GRB2: variants seen among roughly 807,000 people sequenced by gnomAD.
GRB2 encodes the protein growth factor receptor-bound protein 2.
A neutral mutation model predicts 27.4 loss-of-function variants in GRB2; 2 were observed. The ratio of observed to expected loss-of-function variants is 0.07; its 90% CI spans 0.03 to 0.23. GRB2 has a LOEUF of 0.23. Ranked by LOEUF, GRB2 falls within the 10% of genes least tolerant of loss-of-function variation. The probability of loss-of-function intolerance (pLI) is 1.00; values close to 1 mark genes in which losing one functional copy is unlikely to be tolerated. For missense variants in GRB2, 102 were observed against 282.4 expected (o/e 0.36, Z 4.58); for synonymous variants, 94 against 99.6 (o/e 0.94, Z 0.33).
rs918400903 is a variant in GRB2, at chr17:75,393,746, C to G, written c.-118G>C. 3 of 744,576 alleles carry G rather than the reference C, an allele frequency of 4.0e-6. No individual in the cohort carries two copies. The highest frequency in any genetic ancestry group is 1.7e-5 in the African/African-American group (1 of 57,684). 46.1% of individuals were successfully genotyped at this position (744,576 alleles called of 1,614,324 possible). A position where few individuals can be genotyped will look rare whatever the true frequency, so the allele number is the denominator to read the frequency against. On this transcript the variant is annotated 5_prime_UTR_variant, in exon 2 of 6. Transcript: ENST00000316804. ...CTCTTCTGGGACTCGCTCCGGCACT[C>G]TGGGACACACAATGCCACCCTGAAG...
At chr17:75,378,363 A>G (rs1305813238) in intron 2 of GRB2, among the ~76,000 whole-genome samples, 1 of 150,838 alleles carries the variant, frequency 6.6e-6, no homozygotes, top group African/African-American at 2.5e-5. Flanking sequence ...AGCCTGGGCA[A>G]CAGAGTGAGA....
intron 4 of GRB2, among the ~76,000 whole-genome samples, chr17:75,322,433 T>C (rs890211553): frequency 2.0e-5 from 3 of 151,412 alleles, no homozygotes; most frequent in Non-Finnish European, 4.4e-5. Flanking sequence ...ACAGCCGTAC[T>C]TAAGACAAAG....
At chr17:75,399,078 C>T (rs1046935758) in intron 1 of GRB2, among the ~76,000 whole-genome samples, 4 of 151,480 alleles carry the variant, frequency 2.6e-5, no homozygotes, top group African/African-American at 7.3e-5. Context: ...GACAGAGTCT[C>T]GCTCTATTGC....
intron 1 of GRB2, among the ~76,000 whole-genome samples, chr17:75,397,788 T>A (rs545195681): frequency 6.6e-6 from 1 of 152,036 alleles, no homozygotes; most frequent in East Asian, 1.9e-4. Flanking sequence ...GTGCTCTGGA[T>A]AGAGCCCGAC....
intron 2 of GRB2, among the ~76,000 whole-genome samples, chr17:75,362,937 T>G (rs2078794466): frequency 6.6e-6 from 1 of 152,164 alleles, no homozygotes; most frequent in East Asian, 1.9e-4. Context: ...GGAAGAGGGC[T>G]AAGCCTAGGG....
intron 1 of GRB2, among the ~76,000 whole-genome samples, chr17:75,398,185 A>C (rs1327619580): frequency 6.6e-6 from 1 of 152,134 alleles, no homozygotes; most frequent in East Asian, 1.9e-4. Flanking sequence ...AAATTAAAAC[A>C]ATCAGAGTTT....
intron 2 of GRB2, among the ~76,000 whole-genome samples, chr17:75,333,614 T>C (rs909098094): frequency 2.0e-5 from 3 of 152,174 alleles, no homozygotes; most frequent in Non-Finnish European, 4.4e-5. Context: ...ATGGCTTCTC[T>C]GGGTTACCGC....
intron 2 of GRB2, among the ~76,000 whole-genome samples, chr17:75,376,344 CAAAAAAAAAAA>C (rs71159502): frequency 5.4e-5 from 4 of 74,480 alleles, no homozygotes; most frequent in Non-Finnish European, 1.0e-4. Context: ...GACTCTGTCT[CAAAAAAAAAAA>C]AAAAAAAAAA....
intron 4 of GRB2, among the ~76,000 whole-genome samples, chr17:75,324,541 C>CA (rs2078485920): frequency 1.4e-5 from 1 of 70,080 alleles, no homozygotes; most frequent in African/African-American, 6.4e-5. Context: ...TTTTTGGAGA[C>CA]AGAGTTTTGC....
chr17:75,338,688 G>GTT, intron 2 of GRB2: 2 of 409,910 alleles, frequency 4.9e-6, no homozygotes, highest in Non-Finnish European at 4.5e-6. Flanking sequence ...TTGTTTTTTG[G>GTT]TTTTTTTTTG....
intron 4 of GRB2, among the ~76,000 whole-genome samples, chr17:75,323,699 C>T (rs1288842830): frequency 6.6e-6 from 1 of 152,172 alleles, no homozygotes; most frequent in Non-Finnish European, 1.5e-5. Context: ...TGGTTTTGGC[C>T]ACCACCCAGT....
chr17:75,386,524 T>C (rs181847891), intron 2 of GRB2, among the ~76,000 whole-genome samples: 2 of 152,316 alleles, frequency 1.3e-5, no homozygotes, highest in Non-Finnish European at 2.9e-5. Flanking sequence ...TCCAGAGACA[T>C]GGGAAAGTGG....
chr17:75,344,135 C>G (rs1011721225), intron 2 of GRB2, among the ~76,000 whole-genome samples: 6 of 152,090 alleles, frequency 3.9e-5, no homozygotes, highest in Non-Finnish European at 8.8e-5. Flanking sequence ...TGACTTAACT[C>G]CAGGTTAGGG....
chr17:75,334,757 T>A (rs1470835902), intron 2 of GRB2, among the ~76,000 whole-genome samples: 1 of 152,120 alleles, frequency 6.6e-6, no homozygotes, highest in Admixed American at 6.6e-5. Context: ...CTGGGCAACA[T>A]AGTGAGACCC....
At chr17:75,341,898 C>T (rs761354689) in intron 2 of GRB2, among the ~76,000 whole-genome samples, 2 of 152,168 alleles carry the variant, frequency 1.3e-5, no homozygotes, top group Non-Finnish European at 2.9e-5. Context: ...TATCCTTCTA[C>T]AAGTGCAAAT....
chr17:75,391,408 C>T (rs1435660529), intron 2 of GRB2, among the ~76,000 whole-genome samples: 1 of 152,150 alleles, frequency 6.6e-6, no homozygotes, highest in African/African-American at 2.4e-5. Flanking sequence ...GGTTTTTACA[C>T]TTGCTCCAGA....
At chr17:75,367,332 A>G (rs1257577805) in intron 2 of GRB2, among the ~76,000 whole-genome samples, 1 of 152,020 alleles carries the variant, frequency 6.6e-6, no homozygotes, top group Non-Finnish European at 1.5e-5. Flanking sequence ...CACCACACCC[A>G]GCTAATTTTT....
intron 2 of GRB2, among the ~76,000 whole-genome samples, chr17:75,363,910 C>T (rs1280893513): frequency 4.4e-5 from 6 of 137,150 alleles, no homozygotes; most frequent in Middle Eastern, 3.7e-3. Flanking sequence ...TTTGGCATTC[C>T]TCAAGGTTTG....
At chr17:75,393,903 G>GCC (rs34770042) in intron 1 of GRB2, 138 bp from the exon 2 acceptor site, 294 of 395,104 alleles carry the variant, frequency 7.4e-4, no homozygotes, top group Middle Eastern at 1.9e-3. Context: ...CCAGGCAACA[G>GCC]CCCCCCCCCG....
Sources: gnomAD v4.1 joint callset for allele counts (sites outside exome capture counted in the v4.1 genomes callset) on GRCh38, gnomAD v4.1.1 for gene constraint, MANE v1.5 for transcripts, NCBI Gene and HGNC (gene_info 2026-07-23, HGNC 2026-07-21) for gene names.